The following PCID2 variants were observed in gnomAD, a reference collection of about 807,000 sequenced individuals.
PCID2 encodes PCI domain containing 2, also known as PCI domain-containing protein 2.
Under a neutral mutation model 61.3 loss-of-function variants are expected in PCID2, and 41 were observed. The observed-to-expected ratio is 0.67, with a 90% CI of 0.52 to 0.87. The LOEUF (loss-of-function observed/expected upper bound fraction) is 0.87, where lower values mean the gene tolerates loss of function less well. Among genes scored for constraint, PCID2 ranks in the 40% least tolerant of loss-of-function variants. The pLI, the probability that PCID2 is intolerant of heterozygous loss-of-function variation, is 0.00. For synonymous variants in PCID2, 187 were observed against 177.8 expected, an observed-to-expected ratio of 1.05 and a Z score of -0.41; for missense variants, 392 against 493.4, an observed-to-expected ratio of 0.79 and a Z score of 1.95.
At chr13:113,185,712 A>C (rs976399284) in intron 7 of PCID2, 152 bp from the exon 8 acceptor site, 2 of 508,170 alleles carry the variant, frequency 3.9e-6, no homozygotes, top group African/African-American at 1.9e-5. Flanking sequence ...AGTCATATTC[A>C]TCAAACAAAA....
At chr13:113,203,675 G>C (rs2039594935) in intron 1 of PCID2, among the ~76,000 whole-genome samples, 1 of 152,148 alleles carries the variant, frequency 6.6e-6, no homozygotes, top group Non-Finnish European at 1.5e-5. Flanking sequence ...GAACTCACTG[G>C]TGCCCAGCTC....
At chr13:113,172,332 G>T in the PCID2 span, 3 of 586,776 alleles carry the variant, frequency 5.1e-6, no homozygotes, top group Non-Finnish European at 9.1e-6. Context: ...GACCTTAAAA[G>T]AAAACATGAG....
the PCID2 span, chr13:113,172,504 C>T: frequency 3.3e-6 from 1 of 305,298 alleles, no homozygotes; most frequent in South Asian, 3.0e-5. Context: ...CAACAATCTC[C>T]GGTTACAGCA....
At chr13:113,195,823 C>A (rs2038972480) in intron 5 of PCID2, among the ~76,000 whole-genome samples, 1 of 152,144 alleles carries the variant, frequency 6.6e-6, no homozygotes, top group African/African-American at 2.4e-5. Context: ...TGTATTAGAA[C>A]ACCCCAAATG....
the PCID2 span, among the ~76,000 whole-genome samples, chr13:113,169,171 T>C: frequency 6.6e-6 from 1 of 152,252 alleles, no homozygotes; most frequent in Non-Finnish European, 1.5e-5. Flanking sequence ...CTCCGTGTTT[T>C]ACTTTTGATA....
chr13:113,178,643 G>A (rs776294618), intron 13 of PCID2, among the ~76,000 whole-genome samples: 1 of 152,156 alleles, frequency 6.6e-6, no homozygotes, highest in Non-Finnish European at 1.5e-5. Flanking sequence ...AAAGTATACA[G>A]GAGGACGTGC....
intron 1 of PCID2, among the ~76,000 whole-genome samples, chr13:113,201,744 G>A (rs953977923): frequency 2.7e-5 from 4 of 150,312 alleles, no homozygotes; most frequent in Middle Eastern, 3.4e-3. Flanking sequence ...CCCAGGAGGC[G>A]GAGCTTGCAT....
chr13:113,204,845 C>A (rs1039797894), intron 1 of PCID2, among the ~76,000 whole-genome samples: 19 of 152,218 alleles, frequency 1.2e-4, no homozygotes, highest in African/African-American at 4.3e-4. Flanking sequence ...AGCCACCTGG[C>A]CAACTCTTAA....
At chr13:113,176,589 G>C (rs497073), downstream of PCID2, among the ~76,000 whole-genome samples, 46,136 of 53,660 alleles carry the variant, frequency 0.86, 21,081 homozygotes, top group Non-Finnish European at 1. Context: ...TTAGCAAGAC[G>C]CTGTCTCTAC....
At chr13:113,173,274 A>G (rs2037145123), downstream of PCID2, among the ~76,000 whole-genome samples, 4 of 152,234 alleles carry the variant, frequency 2.6e-5, no homozygotes, top group Admixed American at 2.6e-4. Context: ...GCAAGTACCA[A>G]AGACAGAGCT....
chr13:113,208,619 T>C lies in PCID2; in HGVS notation c.16A>G (p.Ile6Val), dbSNP rs751379841. ...CCCACCTGCTGCAGGTACTGGTTAA[T>C]GGTAATGTGCGCCATGGGAGCGCCG... MAHIT[I>V]NQYLQQVYEA... Residue 6 changes from isoleucine to valine, a missense_variant, in exon 1 of 14, where the codon ATT becomes GTT. By Grantham distance (29) the Ile-to-Val change is conservative. This residue lies in a region of PCID2 where 155 missense variants were observed against 164.9 expected (regional missense o/e 0.94). Transcript: ENST00000337344. The C allele has an allele frequency of 1.4e-5, 22 of 1,607,416 alleles. No homozygotes were observed. Among genetic ancestry groups the C allele is most frequent in the East Asian group, 2.2e-5 (1 of 44,482 alleles).
downstream of PCID2, among the ~76,000 whole-genome samples, chr13:113,176,158 GGAGA>G (rs145560895): frequency 6.6e-6 from 1 of 152,358 alleles, no homozygotes; most frequent in African/African-American, 2.4e-5. Flanking sequence ...CGCGCGGCCC[GGAGA>G]GAGAGAAAGA....
intron 1 of PCID2, 115 bp from the exon 2 acceptor site, chr13:113,200,631 A>G: frequency 1.5e-6 from 1 of 674,866 alleles, no homozygotes; most frequent in Non-Finnish European, 2.6e-6. Context: ...CTACTTTGAA[A>G]GAAGACAGAA....
At chr13:113,190,573 G>A (rs973279873) in intron 7 of PCID2, 8 of 249,868 alleles carry the variant, frequency 3.2e-5, no homozygotes, top group South Asian at 1.5e-4. Flanking sequence ...CTCACCAAAC[G>A]CAAATGTGGA....
the PCID2 span, among the ~76,000 whole-genome samples, chr13:113,169,548 G>A: frequency 6.6e-6 from 1 of 152,160 alleles, no homozygotes; most frequent in African/African-American, 2.4e-5. Context: ...CTTGGATATT[G>A]TCCTAGGACA....
intron 8 of PCID2, among the ~76,000 whole-genome samples, chr13:113,185,111 T>G (rs1163482562): frequency 6.6e-6 from 1 of 152,224 alleles, no homozygotes; most frequent in East Asian, 1.9e-4. Flanking sequence ...CATCTATCCA[T>G]CTACGTGCCT....
the PCID2 span, among the ~76,000 whole-genome samples, chr13:113,166,866 G>A: frequency 6.6e-6 from 1 of 152,160 alleles, no homozygotes; most frequent in Non-Finnish European, 1.5e-5. Context: ...CCCAAGGGAA[G>A]AGAGGGTGCG....
In PCID2 at chr13:113,179,249, A is replaced by G. The variant is rs532313816; in HGVS notation, c.987-160T>C. 6.6e-6 allele frequency among the ~76,000 whole-genome samples: 1 copy of G among 152,358 alleles called. No homozygotes were observed. The highest frequency in any genetic ancestry group is 2.1e-4 in the South Asian group (1 of 4,826). On this transcript the variant is annotated intron_variant, in intron 12 of 13. Transcript: ENST00000337344. This position sits in a 1 kb window ranked among gnomAD's most constrained non-coding sequence, Gnocchi z 4.3. ...TACACTCTCAGAGCTATTAAATCTA[A>G]TTTGACTTTTCAATCTTTAAAAAGT...
Position 113,179,892 on chromosome 13 carries a change from C to T in PCID2, c.986+25G>A. ...GCTCTGCCGAGAGCCACACTGGGAG[C>T]CCAATGTGCCGGGGAAATGCTTACA... is the stretch of plus-strand genomic sequence containing the variant. On this transcript the variant is annotated intron_variant, in intron 12 of 13. Transcript: ENST00000337344. The surrounding 1 kb of genome is among the most constrained non-coding windows in gnomAD (Gnocchi z 4.3). The T allele has an allele frequency of 1.2e-6, 2 of 1,602,936 alleles. No individual in the cohort carries two copies. Among genetic ancestry groups the T allele is most frequent in the Non-Finnish European group, 1.7e-6 (2 of 1,173,758 alleles).
Sources: allele counts gnomAD v4.1 joint callset (sites outside exome capture counted in the v4.1 genomes callset), GRCh38; gene constraint gnomAD v4.1.1; regional missense constraint gnomAD v4.1.1; non-coding constraint Gnocchi (gnomAD v3.1); transcripts MANE v1.5; gene names NCBI Gene and HGNC (gene_info 2026-07-23, HGNC 2026-07-21).